NDFIP1: variants seen among roughly 807,000 people sequenced by gnomAD.
The protein encoded by NDFIP1 is Nedd4 family interacting protein 1, also known as NEDD4 family-interacting protein 1.
In NDFIP1, 7 loss-of-function variants were observed where a neutral mutation model predicts 28.8. The ratio of observed to expected loss-of-function variants is 0.24; its 90% CI spans 0.14 to 0.46. The LOEUF (loss-of-function observed/expected upper bound fraction) is 0.46, where lower values mean the gene tolerates loss of function less well. Among genes scored for constraint, NDFIP1 ranks in the 20% least tolerant of loss-of-function variants. The pLI is 0.99. For missense variants in NDFIP1, 194 were observed against 269.1 expected (o/e 0.72, Z 1.95); for synonymous variants, 92 against 101.0 (o/e 0.91, Z 0.53).
intron 1 of NDFIP1, among the ~76,000 whole-genome samples, chr5:142,113,124 T>G (rs1381758177): frequency 6.6e-6 from 1 of 152,212 alleles, no homozygotes; most frequent in East Asian, 1.9e-4. Flanking sequence ...GATTACAGAA[T>G]GTTTAGTTCT....
At chr5:142,150,105 C>CG (rs545133294) in intron 7 of NDFIP1, among the ~76,000 whole-genome samples, 64 of 149,888 alleles carry the variant, frequency 4.3e-4, no homozygotes, top group African/African-American at 1.5e-3. Context: ...AGCATGAACC[C>CG]GGGGGGCGGA....
At position 142,139,488 on chromosome 5, in the gene NDFIP1, GTA is replaced by G. The variant is rs1757306928; in HGVS notation, c.496-1073_496-1072del. Among the ~76,000 whole-genome samples the G allele has an allele frequency of 7.2e-5, 11 of 152,036 alleles. No individual in the cohort carries two copies. In the South Asian group the frequency reaches 2.3e-3, roughly 31 times the overall value. On this transcript the variant is annotated intron_variant, in intron 5 of 7. Transcript: ENST00000253814. Reference sequence around the variant, plus strand: ...TAAAAGATGGCAGTTTCACGTATCAGTATTACATTGAAACACGACAGTGCTCA... The same window carrying G: ...TAAAAGATGGCAGTTTCACGTATCAGTTACATTGAAACACGACAGTGCTCA...
rs752438006 is a variant in NDFIP1 at position 142,132,193 on chromosome 5, G to A, written c.152-19G>A. Reference sequence around the variant, plus strand: ...ATTCAGCTAATCATCAAAAAATTGTGACTGTTAAAATTCTGCAGCATATTT... The same window carrying A: ...ATTCAGCTAATCATCAAAAAATTGTAACTGTTAAAATTCTGCAGCATATTT... On this transcript the variant is annotated intron_variant, in intron 2 of 7. Coordinates refer to ENST00000253814, the MANE Select transcript of NDFIP1 (RefSeq NM_030571.4). The A allele has an allele frequency of 6.2e-7, 1 of 1,603,592 alleles. No individual in the cohort carries two copies. Among genetic ancestry groups the A allele is most frequent in the Admixed American group, 1.8e-5 (1 of 56,802 alleles).
intron 6 of NDFIP1, among the ~76,000 whole-genome samples, chr5:142,141,400 T>A (rs1227508257): frequency 3.3e-5 from 5 of 151,826 alleles, no homozygotes. Flanking sequence ...ATGGTCTCGA[T>A]CTCCTGACTT....
chr5:142,121,574 G>A (rs1451478276), intron 1 of NDFIP1, among the ~76,000 whole-genome samples: 4 of 152,114 alleles, frequency 2.6e-5, no homozygotes, highest in Non-Finnish European at 4.4e-5. Flanking sequence ...AGCTGCTTTT[G>A]CCTTAGTTGC....
intron 1 of NDFIP1, among the ~76,000 whole-genome samples, chr5:142,116,428 G>A (rs1312129370): frequency 1.3e-5 from 2 of 150,856 alleles, no homozygotes. Context: ...GAGTGCAGTG[G>A]CGCAATCTTG....
chr5:142,144,489 C>G, intron 6 of NDFIP1, 82 bp from the exon 7 acceptor site: 1 of 951,380 alleles, frequency 1.1e-6, no homozygotes, highest in Non-Finnish European at 1.6e-6. Context: ...AACAATGTAT[C>G]GCTATCAGGA....
chr5:142,144,598 T>C lies in NDFIP1; in HGVS notation c.590T>C (p.Ile197Thr), dbSNP rs769386774. ...LGFLLFLRGF[I>T]NYAKVRKMPE... ...TTTCTCCTGTTTCTCAGAGGATTTA[T>C]CAATTATGCAAAAGTTCGGAAGATG... Residue 197 changes from isoleucine (I) to threonine (T), a missense_variant, in exon 7 of 8, where the codon ATC (isoleucine) becomes ACC (threonine). Coordinates refer to ENST00000253814, the MANE Select transcript of NDFIP1 (RefSeq NM_030571.4). The C allele has an allele frequency of 6.2e-7, 1 of 1,612,438 alleles. No individual in the cohort carries two copies. The highest frequency in any genetic ancestry group is 2.2e-5 in the East Asian group (1 of 44,810).
intron 7 of NDFIP1, 29 bp from the exon 8 acceptor site, chr5:142,151,702 T>TTTCAATA (rs1206760156): frequency 6.6e-6 from 1 of 152,518 alleles, no homozygotes; most frequent in Non-Finnish European, 1.5e-5. Flanking sequence ...CTAACTAGAG[T>TTTCAATA]TTCAATATTC....
intron 1 of NDFIP1, among the ~76,000 whole-genome samples, chr5:142,123,183 A>G (rs375435203): frequency 1.1e-4 from 16 of 152,076 alleles, no homozygotes; most frequent in East Asian, 7.7e-4. Flanking sequence ...GGCTGGTCTC[A>G]AACTCCTGAT....
At chr5:142,110,855 A>C (rs63167561) in intron 1 of NDFIP1, among the ~76,000 whole-genome samples, 2 of 17,574 alleles carry the variant, frequency 1.1e-4, no homozygotes, top group Non-Finnish European at 2.0e-4. Flanking sequence ...ATTTACATCC[A>C]TTTTTTTTTT....
intron 7 of NDFIP1, among the ~76,000 whole-genome samples, chr5:142,145,299 G>T (rs1351210280): frequency 6.6e-6 from 1 of 152,174 alleles, no homozygotes; most frequent in African/African-American, 2.4e-5. Context: ...GCCCTGCCAA[G>T]GCTCTTTGAT....
At chr5:142,126,299 A>G (rs1322135257) in intron 1 of NDFIP1, among the ~76,000 whole-genome samples, 1 of 152,234 alleles carries the variant, frequency 6.6e-6, no homozygotes, top group African/African-American at 2.4e-5. Flanking sequence ...TAAAAGTTTT[A>G]GCAATTAACT....
chr5:142,123,560 C>G (rs1437807606), intron 1 of NDFIP1, among the ~76,000 whole-genome samples: 1 of 152,088 alleles, frequency 6.6e-6, no homozygotes. Flanking sequence ...GTTTGTGCTT[C>G]CATGTTTCTA....
intron 1 of NDFIP1, among the ~76,000 whole-genome samples, chr5:142,122,682 C>A (rs565551931): frequency 1.8e-4 from 27 of 152,178 alleles, no homozygotes; most frequent in Middle Eastern, 6.8e-3. Flanking sequence ...TTATTTTGGT[C>A]ATCATCTGTG....
intron 7 of NDFIP1, among the ~76,000 whole-genome samples, chr5:142,150,353 T>G (rs563737859): frequency 2.0e-5 from 3 of 151,984 alleles, no homozygotes; most frequent in African/African-American, 7.2e-5. Flanking sequence ...TCTCTGTGCT[T>G]TCCGAGGTCT....
rs757966466 is a variant in NDFIP1, at chr5:142,108,991, C to T, written c.17C>T (p.Ala6Val). Residue 6 changes from alanine to valine, a missense_variant, in exon 1 of 8, where the codon GCG (alanine) becomes GTG (valine). Physicochemically the swap from Ala to Val is moderately conservative, Grantham distance 64. Coordinates refer to ENST00000253814, the MANE Select transcript of NDFIP1 (RefSeq NM_030571.4). ...GGCTGCGCCATGGCGTTGGCGTTGG[C>T]GGCGCTGGCGGCGGTCGAGCCGGCC... MALAL[A>V]ALAAVEPACG... The T allele has an allele frequency of 1.2e-5, 18 of 1,444,096 alleles. No individual in the cohort carries two copies. The Admixed American group carries it at 2.8e-4, about 23-fold the overall frequency. 89.5% of individuals were successfully genotyped at this position (1,444,096 alleles called of 1,614,324 possible). A position where few individuals can be genotyped will look rare whatever the true frequency, so the allele number is the denominator to read the frequency against.
At chr5:142,117,246 G>T (rs1351372441) in intron 1 of NDFIP1, among the ~76,000 whole-genome samples, 7 of 105,464 alleles carry the variant, frequency 6.6e-5, no homozygotes, top group East Asian at 3.1e-4. Flanking sequence ...TTCTTTTTTT[G>T]CTTTTTTTTT....
chr5:142,142,951 ATATATAT>A (rs1206286279), intron 6 of NDFIP1: 2 of 134,752 alleles, frequency 1.5e-5, no homozygotes, highest in Non-Finnish European at 3.2e-5. Context: ...ATATATATAT[ATATATAT>A]ATATATATAT....
Sources: gnomAD v4.1 joint callset for allele counts (sites outside exome capture counted in the v4.1 genomes callset) on GRCh38, gnomAD v4.1.1 for gene constraint, MANE v1.5 for transcripts, NCBI Gene and HGNC (gene_info 2026-07-23, HGNC 2026-07-21) for gene names.